CCDC7: variants seen among roughly 807,000 people sequenced by gnomAD.
CCDC7 encodes the protein coiled-coil domain containing 7, also known as coiled-coil domain-containing protein 7.
CCDC7 carries 183 observed loss-of-function variants against 196.9 expected under a neutral mutation model. The ratio of observed to expected loss-of-function variants is 0.93; its 90% CI spans 0.82 to 1.05. CCDC7 has a LOEUF of 1.05. CCDC7 is among the 50% of genes least tolerant of loss of function. CCDC7 has a pLI of 0.00. For missense variants in CCDC7, 1,540 were observed against 1,482.2 expected (o/e 1.04, Z -0.64); for synonymous variants, 525 against 484.6 (o/e 1.08, Z -1.10).
chr10:32,654,298 T>C (rs1415086140), intron 20 of CCDC7, among the ~76,000 whole-genome samples: 4 of 152,220 alleles, frequency 2.6e-5, no homozygotes, highest in African/African-American at 9.6e-5. Context: ...GTCTAGTAAG[T>C]CCAACATCTT....
intron 25 of CCDC7, among the ~76,000 whole-genome samples, chr10:32,726,048 C>A (rs1033892639): frequency 6.6e-6 from 1 of 152,086 alleles, no homozygotes; most frequent in Non-Finnish European, 1.5e-5. Flanking sequence ...TTGTAGATAA[C>A]AAACTACAGT....
intron 9 of CCDC7, among the ~76,000 whole-genome samples, chr10:32,506,883 C>A (rs1254337372): frequency 6.6e-6 from 1 of 152,020 alleles, no homozygotes; most frequent in African/African-American, 2.4e-5. Flanking sequence ...GAGGCGACCC[C>A]TTTATAATTA....
At chr10:32,833,353 TA>T (rs71185223) in intron 32 of CCDC7, among the ~76,000 whole-genome samples, 15,880 of 149,986 alleles carry the variant, frequency 0.11, 1,023 homozygotes, top group South Asian at 0.24. Flanking sequence ...ACCCTTTTTT[TA>T]AAAAAAAAAA....
At chr10:32,672,013 C>T (rs1435583550) in intron 21 of CCDC7, among the ~76,000 whole-genome samples, 1 of 152,140 alleles carries the variant, frequency 6.6e-6, no homozygotes, top group African/African-American at 2.4e-5. Flanking sequence ...GGTTCCGGGT[C>T]TGACTTGTCA....
intron 22 of CCDC7, among the ~76,000 whole-genome samples, chr10:32,688,329 A>C (rs2076700071): frequency 6.6e-6 from 1 of 152,196 alleles, no homozygotes; most frequent in South Asian, 2.1e-4. Flanking sequence ...CTGTCTGTTC[A>C]TGCCAGGGAC....
At chr10:32,506,981 T>C (rs1297635024) in intron 9 of CCDC7, among the ~76,000 whole-genome samples, 1 of 152,204 alleles carries the variant, frequency 6.6e-6, no homozygotes, top group Non-Finnish European at 1.5e-5. Context: ...CTTTTGGTTT[T>C]GATTTGCATG....
Position 32,754,555 on chromosome 10 carries a change from G to A in CCDC7, c.2906-24422G>A, listed in dbSNP as rs575202403. On this transcript the variant is annotated intron_variant, in intron 28 of 41. Transcript: ENST00000639629. ...AACTTGGCAACAATAACATATTTCAGTATGAAAATAATTGATTAAAGAAAG... is the reference window on the plus strand; with the variant it reads ...AACTTGGCAACAATAACATATTTCAATATGAAAATAATTGATTAAAGAAAG... Among the ~76,000 whole-genome samples, 5 of 152,224 alleles carry A rather than the reference G, an allele frequency of 3.3e-5. No homozygotes were observed. In the East Asian group the frequency reaches 7.7e-4, roughly 24 times the overall value.
At chr10:32,784,876 C>T (rs575271011) in intron 29 of CCDC7, among the ~76,000 whole-genome samples, 1 of 151,370 alleles carries the variant, frequency 6.6e-6, no homozygotes, top group East Asian at 2.0e-4. Context: ...GTGGCACACG[C>T]GTGTGGTCCC....
intron 16 of CCDC7, among the ~76,000 whole-genome samples, chr10:32,577,655 AT>A (rs2137292529): frequency 6.6e-6 from 1 of 152,262 alleles, no homozygotes; most frequent in South Asian, 2.1e-4. Context: ...CAGGTGGCAA[AT>A]CTTTCAGGCA....
intron 37 of CCDC7, among the ~76,000 whole-genome samples, chr10:32,847,398 G>C (rs2093346031): frequency 6.6e-6 from 1 of 152,200 alleles, no homozygotes; most frequent in Non-Finnish European, 1.5e-5. Context: ...AGTTCCAGGT[G>C]TTGGACCTAG....
At position 32,847,047 on chromosome 10, in the gene CCDC7, G is replaced by T. The variant is rs76792088; in HGVS notation, c.3688+588G>T. Reference sequence around the variant, plus strand: ...AAAAAGAGGCAGACAGCTTAACAGAGAAATAAGGTAAAGAGACACATTCGA... The same window carrying T: ...AAAAAGAGGCAGACAGCTTAACAGATAAATAAGGTAAAGAGACACATTCGA... On this transcript the variant is annotated intron_variant, in intron 37 of 41. Transcript: ENST00000639629. 7.9e-3 allele frequency among the ~76,000 whole-genome samples: 1,201 copies of T among 152,230 alleles called. 6 individuals carry two copies. Among genetic ancestry groups the T allele is most frequent in the Middle Eastern group, 0.02 (6 of 294 alleles).
chr10:32,461,788 TA>T (rs1366908202), intron 3 of CCDC7, among the ~76,000 whole-genome samples: 1 of 143,930 alleles, frequency 6.9e-6, no homozygotes, highest in Admixed American at 7.0e-5. Flanking sequence ...TTTTTTTTTT[TA>T]AGATGGAGTT....
intron 18 of CCDC7, among the ~76,000 whole-genome samples, chr10:32,610,622 C>G (rs1205902448): frequency 2.0e-5 from 3 of 152,048 alleles, no homozygotes; most frequent in Non-Finnish European, 4.4e-5. Context: ...CCTCCGGGAG[C>G]CCATATGTTC....
At chr10:32,674,074 A>T (rs528229291) in intron 21 of CCDC7, among the ~76,000 whole-genome samples, 7 of 148,494 alleles carry the variant, frequency 4.7e-5, no homozygotes, top group Non-Finnish European at 1.0e-4. Context: ...ATTTTCATCA[A>T]TTTTTTCTAT....
intron 11 of CCDC7, among the ~76,000 whole-genome samples, chr10:32,527,601 T>C (rs912338819): frequency 3.3e-5 from 5 of 152,228 alleles, no homozygotes; most frequent in South Asian, 2.1e-4. Context: ...ACATTTCTAA[T>C]ACTATATAAA....
intron 28 of CCDC7, among the ~76,000 whole-genome samples, chr10:32,758,635 A>G (rs1354874426): frequency 1.3e-5 from 2 of 152,294 alleles, no homozygotes; most frequent in Admixed American, 6.5e-5. Flanking sequence ...CCCACAGCCA[A>G]TATCATACTG....
At chr10:32,699,996 C>T (rs1192389095) in intron 24 of CCDC7, among the ~76,000 whole-genome samples, 1 of 149,446 alleles carries the variant, frequency 6.7e-6, no homozygotes, top group East Asian at 1.9e-4. Flanking sequence ...TTCTCCCATT[C>T]TGTAGGTTGC....
intron 35 of CCDC7, 60 bp downstream of exon 36, chr10:32,845,686 T>C: frequency 4.8e-6 from 7 of 1,467,298 alleles, no homozygotes; most frequent in Admixed American, 3.5e-5. Flanking sequence ...TGGAGTTAAA[T>C]TAAGTGTGGA....
intron 9 of CCDC7, chr10:32,511,867 T>G: frequency 1.6e-6 from 1 of 638,800 alleles, no homozygotes; most frequent in Non-Finnish European, 2.8e-6. Context: ...AATGTATAGC[T>G]TTTTATACAC....
Sources: gnomAD v4.1 joint callset for allele counts (sites outside exome capture counted in the v4.1 genomes callset) on GRCh38, gnomAD v4.1.1 for gene constraint, MANE v1.5 for transcripts, NCBI Gene and HGNC (gene_info 2026-07-23, HGNC 2026-07-21) for gene names.